TOM1L1: variants seen among roughly 807,000 people sequenced by gnomAD.
TOM1L1 encodes the protein TOM1-like protein 1.
In TOM1L1, 64 loss-of-function variants were observed where a neutral mutation model predicts 63.4. The observed-to-expected ratio is 1.01, with a 90% CI of 0.83 to 1.24. TOM1L1 has a LOEUF of 1.24. Among genes scored for constraint, TOM1L1 ranks in the 50% most tolerant of loss-of-function variants. TOM1L1 has a pLI of 0.00. For missense variants in TOM1L1, 536 were observed against 567.0 expected (o/e 0.95, Z 0.55); for synonymous variants, 166 against 194.4 (o/e 0.85, Z 1.22).
At chr17:54,955,891 TGTG>T (rs1482800138) in intron 14 of TOM1L1, among the ~76,000 whole-genome samples, 1 of 152,180 alleles carries the variant, frequency 6.6e-6, no homozygotes, top group Non-Finnish European at 1.5e-5. Flanking sequence ...AGAGAGGTCT[TGTG>T]GTGCTGGTCA....
intron 11 of TOM1L1, among the ~76,000 whole-genome samples, chr17:54,940,576 T>C (rs1372073027): frequency 6.6e-6 from 1 of 152,182 alleles, no homozygotes; most frequent in Non-Finnish European, 1.5e-5. Context: ...ACTCAAAATA[T>C]CCCTCAGTTG....
intron 8 of TOM1L1, among the ~76,000 whole-genome samples, chr17:54,935,279 A>G (rs1158100577): frequency 2.0e-5 from 3 of 152,034 alleles, no homozygotes; most frequent in Admixed American, 1.3e-4. Flanking sequence ...AGGAGTCACA[A>G]AGTGTTCAGT....
Position 54,961,732 on chromosome 17 carries a change from A to C in TOM1L1, c.*499A>C. The stretch of plus-strand genomic sequence containing the variant: ...CTTTATAATCCTCTGGTTTAGAATT[A>C]TAAATTGTTAAAACCTTGATAATTG... On this transcript the variant is annotated 3_prime_UTR_variant, in exon 16 of 16. Coordinates refer to ENST00000575882, the MANE Select transcript of TOM1L1 (RefSeq NM_005486.3). 9.8e-7 allele frequency: 1 copy of C among 1,021,546 alleles called. No homozygotes were observed. The highest frequency in any genetic ancestry group is 4.0e-5 in the South Asian group (1 of 25,068). The allele number at this position is 1,021,546 out of a possible 1,614,324, so 63.3% of individuals were successfully genotyped here. A position where few individuals can be genotyped will look rare whatever the true frequency, so the allele number is the denominator to read the frequency against.
chr17:54,945,934 T>G (rs1355145046), intron 11 of TOM1L1, among the ~76,000 whole-genome samples: 1 of 152,196 alleles, frequency 6.6e-6, no homozygotes, highest in Non-Finnish European at 1.5e-5. Flanking sequence ...GCCTCATAAT[T>G]TTGGATTCTA....
chr17:54,957,929 T>C (rs938084710), intron 14 of TOM1L1: 2 of 152,232 alleles, frequency 1.3e-5, no homozygotes, highest in Non-Finnish European at 2.9e-5. Context: ...ACAAAATTTG[T>C]GTTAATGTTA....
In TOM1L1 at chr17:54,960,646, A is replaced by T; in HGVS notation, c.*1+19A>T. On this transcript the variant is annotated intron_variant, in intron 15 of 15. Transcript: ENST00000575882. ...GACTGAGGTAAAGACTTCAACTTATACAACTTAATTCCATATTCCATATAA... is the reference window on the plus strand; with the variant it reads ...GACTGAGGTAAAGACTTCAACTTATTCAACTTAATTCCATATTCCATATAA... 1 of 1,562,512 alleles carries T rather than the reference A, an allele frequency of 6.4e-7. No individual in the cohort carries two copies. The highest frequency in any genetic ancestry group is 8.8e-7 in the Non-Finnish European group (1 of 1,134,026).
At chr17:54,923,284 A>T (rs2048713053) in intron 7 of TOM1L1, among the ~76,000 whole-genome samples, 1 of 152,142 alleles carries the variant, frequency 6.6e-6, no homozygotes, top group South Asian at 2.1e-4. Flanking sequence ...TAGTAACTTT[A>T]ACTTTTTGAG....
chr17:54,913,575 A>G (rs1302876906), intron 4 of TOM1L1, among the ~76,000 whole-genome samples, 173 bp from the exon 5 acceptor site: 1 of 151,330 alleles, frequency 6.6e-6, no homozygotes, highest in Non-Finnish European at 1.5e-5. Context: ...CTGAGGCAGG[A>G]GAATCGCTTG....
rs2077113940 is a variant in TOM1L1, at chr17:54,961,169, G to A, written c.*2-66G>A. 7 of 1,106,192 alleles carry A rather than the reference G, an allele frequency of 6.3e-6. No homozygotes were observed. In the South Asian group the frequency reaches 9.4e-5, roughly 15 times the overall value. 68.5% of individuals were successfully genotyped at this position (1,106,192 alleles called of 1,614,324 possible). A position where few individuals can be genotyped will look rare whatever the true frequency, so the allele number is the denominator to read the frequency against. On this transcript the variant is annotated intron_variant, in intron 15 of 15. Coordinates refer to ENST00000575882, the MANE Select transcript of TOM1L1 (RefSeq NM_005486.3). The stretch of plus-strand genomic sequence containing the variant: ...CCAGCTTCCCAGTAAAGACAAGAGA[G>A]TTATCAAGGAATGGGGAAAGAGAAG...
At chr17:54,913,995 T>G in intron 5 of TOM1L1, 122 bp downstream of exon 5, 9 of 1,096,488 alleles carry the variant, frequency 8.2e-6, no homozygotes, top group East Asian at 3.2e-5. Context: ...ATTAGAAGGA[T>G]ATTGCAATAT....
Position 54,912,771 on chromosome 17 carries a change from A to G in TOM1L1, c.328A>G (p.Asn110Asp). 13 of 1,612,018 alleles carry G rather than the reference A, an allele frequency of 8.1e-6. No homozygotes were observed. The highest frequency in any genetic ancestry group is 9.3e-6 in the Non-Finnish European group (11 of 1,179,450). ...AGTTAAGCTACTGAATCCCAGATAC[A>G]ACTTGCCATTAGACATTCAGAATAG... is the stretch of plus-strand genomic sequence containing the variant. ...NLVKLLNPRYNLPLDIQNRIL... is the reference protein window; with the variant it reads ...NLVKLLNPRYDLPLDIQNRIL... Residue 110 changes from asparagine to aspartate, a missense_variant, in exon 4 of 16, where the codon AAC becomes GAC. Coordinates refer to ENST00000575882, the MANE Select transcript of TOM1L1 (RefSeq NM_005486.3).
intron 7 of TOM1L1, among the ~76,000 whole-genome samples, chr17:54,919,672 T>A (rs1052849555): frequency 1.3e-5 from 2 of 152,212 alleles, no homozygotes; most frequent in Non-Finnish European, 2.9e-5. Flanking sequence ...TTGAATAGGT[T>A]CTGGCAGGGG....
chr17:54,920,293 A>C (rs1440977174), intron 7 of TOM1L1, among the ~76,000 whole-genome samples: 2 of 152,284 alleles, frequency 1.3e-5, no homozygotes, highest in South Asian at 4.1e-4. Context: ...GTAAAGAAGG[A>C]ATAAAAGTAT....
At chr17:54,902,707 C>T (rs1222933930) in intron 1 of TOM1L1, among the ~76,000 whole-genome samples, 1 of 152,184 alleles carries the variant, frequency 6.6e-6, no homozygotes, top group Non-Finnish European at 1.5e-5. Context: ...CCCCAGAACC[C>T]GGTGTTTTCA....
chr17:54,905,156 C>T (rs914848051), intron 2 of TOM1L1, among the ~76,000 whole-genome samples: 1 of 152,132 alleles, frequency 6.6e-6, no homozygotes, highest in Admixed American at 6.5e-5. Flanking sequence ...TTCATTGTTT[C>T]GGAAGTTGCA....
At chr17:54,922,270 G>A (rs920078640) in intron 7 of TOM1L1, among the ~76,000 whole-genome samples, 6 of 151,934 alleles carry the variant, frequency 3.9e-5, no homozygotes, top group African/African-American at 1.5e-4. Flanking sequence ...TCCAGCCTGG[G>A]CAACAGAGCG....
Position 54,949,937 on chromosome 17 carries a change from G to T in TOM1L1, c.1289-108G>T, listed in dbSNP as rs1034172564. The T allele has an allele frequency of 4.6e-6, 4 of 874,206 alleles. No individual in the cohort carries two copies. In the African/African-American group the frequency reaches 5.1e-5, roughly 11 times the overall value. The allele number at this position is 874,206 out of a possible 1,614,324, so 54.2% of individuals were successfully genotyped here. On this transcript the variant is annotated intron_variant, in intron 13 of 15. Transcript: ENST00000575882. The stretch of plus-strand genomic sequence containing the variant: ...ATTGGGACACCAGTCTGTTTTGGTT[G>T]TGTTTATTAGGATCTAATATTTGAA...
chr17:54,918,245 C>T (rs191921726), intron 7 of TOM1L1, among the ~76,000 whole-genome samples: 150 of 152,280 alleles, frequency 9.9e-4, no homozygotes, highest in Non-Finnish European at 4.7e-4. Context: ...TATGCTGTCT[C>T]CAGGCTCAGA....
chr17:54,958,592 G>A (rs568510118), intron 14 of TOM1L1, among the ~76,000 whole-genome samples: 12 of 152,240 alleles, frequency 7.9e-5, no homozygotes, highest in East Asian at 1.9e-4. Flanking sequence ...TTAGCCAGGC[G>A]TGGTAGCGGG....
Sources: gnomAD v4.1 joint callset for allele counts (sites outside exome capture counted in the v4.1 genomes callset) on GRCh38, gnomAD v4.1.1 for gene constraint, MANE v1.5 for transcripts, NCBI Gene and HGNC (gene_info 2026-07-23, HGNC 2026-07-21) for gene names.